The following MYO1D variants were observed in gnomAD, a reference collection of about 807,000 sequenced individuals.
The protein encoded by MYO1D is myosin ID, also known as unconventional myosin-Id.
MYO1D carries 83 observed loss-of-function variants against 122.0 expected under a neutral mutation model. The ratio of observed to expected loss-of-function variants is 0.68; its 90% CI spans 0.57 to 0.82. MYO1D has a LOEUF of 0.82. Among genes scored for constraint, MYO1D ranks in the 40% least tolerant of loss-of-function variants. The probability of loss-of-function intolerance (pLI) is 0.00; values close to 1 mark genes in which losing one functional copy is unlikely to be tolerated. For synonymous variants in MYO1D, 464 were observed against 446.9 expected (o/e 1.04, Z -0.48); for missense variants, 1,157 against 1,269.5 (o/e 0.91, Z 1.35).
chr17:32,494,358 C>T lies in MYO1D; in HGVS notation c.*401G>A. The T allele has an allele frequency of 5.9e-6, 1 of 169,526 alleles. No homozygotes were observed. The highest frequency in any genetic ancestry group is 1.3e-5 in the Non-Finnish European group (1 of 79,094). The allele number at this position is 169,526 out of a possible 1,614,324, so 10.5% of individuals were successfully genotyped here. On this transcript the variant is annotated 3_prime_UTR_variant, in exon 22 of 22. Transcript: ENST00000318217. ...GGCAAGAGAGGTGGCTATGGGGCTCCCGCAGAGTGGGGTCCTGCATCCCCA... is the reference window on the plus strand; with the variant it reads ...GGCAAGAGAGGTGGCTATGGGGCTCTCGCAGAGTGGGGTCCTGCATCCCCA...
intron 16 of MYO1D, among the ~76,000 whole-genome samples, chr17:32,685,107 A>T (rs540098187): frequency 1.8e-4 from 28 of 152,178 alleles, no homozygotes; most frequent in Non-Finnish European, 7.3e-5. Context: ...TCTCTCTTAA[A>T]GTCAACAAGA....
intron 1 of MYO1D, among the ~76,000 whole-genome samples, chr17:32,830,522 A>G (rs1395029797): frequency 6.6e-6 from 1 of 152,248 alleles, no homozygotes; most frequent in Admixed American, 6.5e-5. Flanking sequence ...TGGCAGAGAC[A>G]TTATCTAGTG....
rs566504454 is a variant in MYO1D, at chr17:32,853,109, C to G, written c.95+23669G>C. Among the ~76,000 whole-genome samples, 3 of 152,350 alleles carry G rather than the reference C, an allele frequency of 2.0e-5. No homozygotes were observed. The South Asian group carries it at 6.2e-4, about 32-fold the overall frequency. On this transcript the variant is annotated intron_variant, in intron 1 of 21. Coordinates refer to ENST00000318217, the MANE Select transcript of MYO1D (RefSeq NM_015194.3). Reference sequence around the variant, plus strand: ...TTTTCTTTCCTCTTGCATCTCTACTCTTTGTAAACAGCACCATCGAAATCA... The same window carrying G: ...TTTTCTTTCCTCTTGCATCTCTACTGTTTGTAAACAGCACCATCGAAATCA...
chr17:32,580,602 G>A (rs2150900561), intron 21 of MYO1D, among the ~76,000 whole-genome samples: 1 of 151,828 alleles, frequency 6.6e-6, no homozygotes, highest in South Asian at 2.1e-4. Context: ...GTAGAGACGG[G>A]ATTTCACCAT....
At position 32,709,261 on chromosome 17, in the gene MYO1D, G is replaced by T. The variant is rs545566566; in HGVS notation, c.2121+2727C>A. On this transcript the variant is annotated intron_variant, in intron 16 of 21. Coordinates refer to ENST00000318217, the MANE Select transcript of MYO1D (RefSeq NM_015194.3). Reference sequence around the variant, plus strand: ...ACAACAGGCAATTGCCATAAACCAGGACTGTCCTAAGCAAACTGAGAGGTA... The same window carrying T: ...ACAACAGGCAATTGCCATAAACCAGTACTGTCCTAAGCAAACTGAGAGGTA... 2.6e-5 allele frequency among the ~76,000 whole-genome samples: 4 copies of T among 152,208 alleles called. No homozygotes were observed. In the South Asian group the frequency reaches 8.3e-4, roughly 32 times the overall value.
intron 20 of MYO1D, among the ~76,000 whole-genome samples, chr17:32,610,926 T>C (rs2087692691): frequency 6.6e-6 from 1 of 152,212 alleles, no homozygotes; most frequent in East Asian, 1.9e-4. Context: ...TGTTGCTTCC[T>C]TATTTCTCCT....
At chr17:32,871,439 T>C (rs563022634) in intron 1 of MYO1D, among the ~76,000 whole-genome samples, 1 of 152,238 alleles carries the variant, frequency 6.6e-6, no homozygotes, top group African/African-American at 2.4e-5. Context: ...CTGTGTTAGA[T>C]TAAAAAAGAG....
At chr17:32,521,583 T>G (rs1241960848) in intron 21 of MYO1D, among the ~76,000 whole-genome samples, 5 of 152,196 alleles carry the variant, frequency 3.3e-5, no homozygotes, top group Non-Finnish European at 5.9e-5. Context: ...CGGGAAAACA[T>G]TAATTTGCTG....
rs200525387 is a variant in MYO1D, at chr17:32,712,181, G to A, written c.1928C>T (p.Ser643Phe). The change falls in exon 16 of 22, where the codon TCT becomes TTT. Residue 643 changes from serine to phenylalanine, a missense_variant. By Grantham distance (155) the Ser-to-Phe change is radical (BLOSUM62 -2). Transcript: ENST00000318217. ...EKFLHRYKMI[S>F]EFTWPNHDLP... ...GTCATGGTTGGGCCAGGTGAATTCA[G>A]AGATCATCTTATACCTGGATGAAAA... 38 of 1,613,168 alleles carry A rather than the reference G, an allele frequency of 2.4e-5. No individual in the cohort carries two copies. In the East Asian group the frequency reaches 7.6e-4, roughly 32 times the overall value.
At chr17:32,553,085 AAAAAAC>A (rs1201395939) in intron 21 of MYO1D, among the ~76,000 whole-genome samples, 41 of 134,272 alleles carry the variant, frequency 3.1e-4, no homozygotes, top group Non-Finnish European at 5.0e-4. Flanking sequence ...GACAAAAAAA[AAAAAAC>A]AAAAAACAAA....
chr17:32,766,013 T>C (rs986079278), intron 7 of MYO1D, among the ~76,000 whole-genome samples: 3 of 152,008 alleles, frequency 2.0e-5, no homozygotes, highest in Admixed American at 6.6e-5. Flanking sequence ...CCCCTCTAAA[T>C]AGCTGGGACT....
intron 21 of MYO1D, chr17:32,518,609 C>G (rs1332831552): frequency 6.6e-6 from 1 of 152,226 alleles, no homozygotes; most frequent in African/African-American, 2.4e-5. Context: ...AACCACAGTC[C>G]CACTTAGGGT....
rs59174021 is a variant in MYO1D at position 32,793,308 on chromosome 17, C to CTT, written c.96-12526_96-12525dup. On this transcript the variant is annotated intron_variant, in intron 1 of 21. Coordinates refer to ENST00000318217, the MANE Select transcript of MYO1D (RefSeq NM_015194.3). ...AACGATAGAGGGTTTAAAAACTAGG[C>CTT]TTTTTTTTTTTTTTTAAACTTATTC... Among the ~76,000 whole-genome samples, 55 of 137,200 alleles carry CTT rather than the reference C, an allele frequency of 4.0e-4. 1 individual carries two copies. The highest frequency in any genetic ancestry group is 1.4e-3 in the African/African-American group (51 of 37,652). The allele number at this position is 137,200 out of a possible 152,430, so 90.0% of individuals were successfully genotyped here.
At chr17:32,587,506 C>T (rs1309770565) in intron 21 of MYO1D, among the ~76,000 whole-genome samples, 1 of 140,810 alleles carries the variant, frequency 7.1e-6, no homozygotes. Flanking sequence ...GAGTGAAACT[C>T]CGTTTCAAAA....
chr17:32,567,729 G>A (rs1328135231), intron 21 of MYO1D, among the ~76,000 whole-genome samples: 1 of 152,154 alleles, frequency 6.6e-6, no homozygotes, highest in Non-Finnish European at 1.5e-5. Flanking sequence ...TCAAGTCCAA[G>A]TAGCCCTGGA....
intron 21 of MYO1D, among the ~76,000 whole-genome samples, chr17:32,538,863 G>A (rs568590117): frequency 5.3e-5 from 8 of 152,174 alleles, no homozygotes; most frequent in Admixed American, 2.6e-4. Flanking sequence ...ACCAAACACC[G>A]CATGTTCTTG....
intron 21 of MYO1D, among the ~76,000 whole-genome samples, chr17:32,579,308 A>T (rs2087307171): frequency 1.3e-5 from 2 of 152,044 alleles, no homozygotes; most frequent in South Asian, 4.1e-4. Context: ...GACTCAAGTG[A>T]TCCTCCTGCC....
chr17:32,659,356 A>G lies in MYO1D; in HGVS notation c.2122-18T>C. ...CGCCACACCTTCACAATAGAGAAAGAAAAAGGAAAACGTTATTGACCGGCT... is the reference window on the plus strand; with the variant it reads ...CGCCACACCTTCACAATAGAGAAAGGAAAAGGAAAACGTTATTGACCGGCT... On this transcript the variant is annotated intron_variant, in intron 16 of 21. Transcript: ENST00000318217. 1 of 1,611,696 alleles carries G rather than the reference A, an allele frequency of 6.2e-7. No homozygotes were observed. Among genetic ancestry groups the G allele is most frequent in the Admixed American group, 1.7e-5 (1 of 59,998 alleles).
chr17:32,657,040 CA>C (rs1262610046), intron 17 of MYO1D, among the ~76,000 whole-genome samples: 1 of 152,186 alleles, frequency 6.6e-6, no homozygotes, highest in African/African-American at 2.4e-5. Flanking sequence ...CCATGCTTCT[CA>C]TCCTAATCAA....
Sources: allele counts gnomAD v4.1 joint callset (sites outside exome capture counted in the v4.1 genomes callset), GRCh38; gene constraint gnomAD v4.1.1; transcripts MANE v1.5; gene names NCBI Gene and HGNC (gene_info 2026-07-23, HGNC 2026-07-21).